Variants in PSD3 observed in about 807,000 individuals in gnomAD.
PSD3 encodes pleckstrin and Sec7 domain containing 3.
A neutral mutation model predicts 105.5 loss-of-function variants in PSD3; 49 were observed. That is an observed-to-expected ratio of 0.46 (90% confidence interval 0.37 to 0.59). PSD3 has a LOEUF of 0.59. PSD3 is among the 20% of genes least tolerant of loss of function. The probability of loss-of-function intolerance (pLI) is 0.00; values close to 1 mark genes in which losing one functional copy is unlikely to be tolerated. For synonymous variants in PSD3, 557 were observed against 457.8 expected (o/e 1.22, Z -2.77); for missense variants, 1,561 against 1,263.8 (o/e 1.24, Z -3.57).
chr8:18,825,685 G>C (rs947040250), intron 4 of PSD3, among the ~76,000 whole-genome samples: 11 of 152,180 alleles, frequency 7.2e-5, no homozygotes, highest in African/African-American at 2.7e-4. Context: ...TGTTTTAACT[G>C]ATCAATATTT....
At chr8:18,986,992 G>A (rs1004898847) in intron 1 of PSD3, among the ~76,000 whole-genome samples, 2 of 152,044 alleles carry the variant, frequency 1.3e-5, no homozygotes, top group Non-Finnish European at 2.9e-5. Context: ...CAAGGTCATC[G>A]CCAAGGTCTG....
chr8:18,912,814 A>T (rs1333761808), intron 2 of PSD3, among the ~76,000 whole-genome samples: 1 of 152,154 alleles, frequency 6.6e-6, no homozygotes, highest in Non-Finnish European at 1.5e-5. Context: ...CACTGTATTA[A>T]ATATCTACCC....
intron 2 of PSD3, among the ~76,000 whole-genome samples, chr8:18,880,190 A>G (rs1419760241): frequency 3.3e-5 from 5 of 152,140 alleles, no homozygotes; most frequent in Non-Finnish European, 7.3e-5. Flanking sequence ...ATATGCTAAG[A>G]TAATTATTTT....
chr8:19,041,555 G>C (rs907795061), intron 1 of PSD3, among the ~76,000 whole-genome samples: 2 of 152,210 alleles, frequency 1.3e-5, no homozygotes, highest in African/African-American at 4.8e-5. Context: ...ATGTTTTCCA[G>C]TGTGCTATGT....
intron 8 of PSD3, among the ~76,000 whole-genome samples, chr8:18,791,015 A>G (rs920270151): frequency 1.3e-5 from 2 of 152,214 alleles, no homozygotes; most frequent in Non-Finnish European, 2.9e-5. Flanking sequence ...TACAGCTAAC[A>G]AGGGAAATGA....
intron 1 of PSD3, among the ~76,000 whole-genome samples, chr8:19,007,178 C>T (rs879350910): frequency 2.0e-5 from 3 of 151,740 alleles, no homozygotes; most frequent in Non-Finnish European, 4.4e-5. Flanking sequence ...CGCTTGAGCC[C>T]GAGGCAGAGG....
rs901427543 is a variant in PSD3 at position 18,534,522 on chromosome 8, G to C, written c.*1221C>G. On this transcript the variant is annotated 3_prime_UTR_variant, in exon 16 of 16. Transcript: ENST00000327040. Reference sequence around the variant, plus strand: ...TGAAGTATTTTTAGGAGAAAGTTGAGTAGTAGCAGAGTGAAGTGGCTATCA... The same window carrying C: ...TGAAGTATTTTTAGGAGAAAGTTGACTAGTAGCAGAGTGAAGTGGCTATCA... 3.3e-5 allele frequency: 5 copies of C among 152,392 alleles called. No individual in the cohort carries two copies. Among genetic ancestry groups the C allele is most frequent in the Non-Finnish European group, 7.4e-5 (5 of 68,024 alleles). 9.4% of individuals were successfully genotyped at this position (152,392 alleles called of 1,614,324 possible). A position where few individuals can be genotyped will look rare whatever the true frequency, so the allele number is the denominator to read the frequency against.
chr8:18,701,126 T>C (rs536426380), intron 9 of PSD3, among the ~76,000 whole-genome samples: 1 of 113,682 alleles, frequency 8.8e-6, no homozygotes, highest in Non-Finnish European at 1.9e-5. Flanking sequence ...CCAAGAAGCC[T>C]GGCTGATTTT....
intron 9 of PSD3, chr8:18,720,977 C>T (rs1022508709): frequency 2.0e-5 from 3 of 152,040 alleles, no homozygotes; most frequent in Non-Finnish European, 4.4e-5. Flanking sequence ...AAAATTCATA[C>T]TGAGGAGAAA....
intron 2 of PSD3, among the ~76,000 whole-genome samples, chr8:18,906,557 T>C (rs1250350148): frequency 6.6e-6 from 1 of 152,192 alleles, no homozygotes; most frequent in African/African-American, 2.4e-5. Flanking sequence ...GCCATGTATA[T>C]GAGGGGCACA....
chr8:18,626,208 A>T (rs1427964504), intron 11 of PSD3, among the ~76,000 whole-genome samples: 1 of 152,078 alleles, frequency 6.6e-6, no homozygotes, highest in East Asian at 1.9e-4. Context: ...CAAGGTTTAA[A>T]AATATGGATG....
intron 1 of PSD3, among the ~76,000 whole-genome samples, chr8:19,025,997 C>T (rs1173903618): frequency 1.3e-5 from 2 of 152,048 alleles, no homozygotes; most frequent in Non-Finnish European, 2.9e-5. Flanking sequence ...TGGCAGAAGA[C>T]GAAGGAGAAA....
intron 9 of PSD3, among the ~76,000 whole-genome samples, chr8:18,678,178 T>C (rs1484215676): frequency 6.6e-6 from 1 of 152,184 alleles, no homozygotes; most frequent in Non-Finnish European, 1.5e-5. Flanking sequence ...CTACCAGATT[T>C]ACTTTGTTCA....
At chr8:18,554,142 C>T (rs1360576772) in intron 15 of PSD3, among the ~76,000 whole-genome samples, 1 of 152,198 alleles carries the variant, frequency 6.6e-6, no homozygotes, top group Non-Finnish European at 1.5e-5. Flanking sequence ...CAGCCACCCC[C>T]CACCTCCTGG....
intron 9 of PSD3, among the ~76,000 whole-genome samples, chr8:18,758,414 CTTTTTTTT>C (rs143280710): frequency 7.4e-6 from 1 of 135,106 alleles, no homozygotes; most frequent in African/African-American, 2.7e-5. Context: ...CAGTTTTACT[CTTTTTTTT>C]TTTTTTTTTA....
chr8:18,855,154 T>A (rs968555566), intron 4 of PSD3, among the ~76,000 whole-genome samples: 1 of 152,204 alleles, frequency 6.6e-6, no homozygotes, highest in Non-Finnish European at 1.5e-5. Context: ...ATACGGGGAT[T>A]ATGAGGACCT....
chr8:18,553,939 G>A (rs1287930228), intron 15 of PSD3, among the ~76,000 whole-genome samples: 1 of 152,138 alleles, frequency 6.6e-6, no homozygotes, highest in East Asian at 1.9e-4. Context: ...ATGAGTCCTG[G>A]AACGCAGTCT....
chr8:18,848,652 G>T lies in PSD3; in HGVS notation c.1634+19022C>A, dbSNP rs76323229. On this transcript the variant is annotated intron_variant, in intron 4 of 15. Coordinates refer to ENST00000327040, the MANE Select transcript of PSD3 (RefSeq NM_015310.4). Reference sequence around the variant, plus strand: ...TCTAGAAATATTCTTGTATGTATGTGTAGTGGTGGGTGCCTATTTTTGTTG... The same window carrying T: ...TCTAGAAATATTCTTGTATGTATGTTTAGTGGTGGGTGCCTATTTTTGTTG... 2.6e-3 allele frequency among the ~76,000 whole-genome samples: 399 copies of T among 152,348 alleles called. 1 individual carries two copies. The highest frequency in any genetic ancestry group is 9.2e-3 in the African/African-American group (383 of 41,580).
intron 4 of PSD3, chr8:18,808,844 C>T: frequency 6.2e-7 from 1 of 1,606,874 alleles, no homozygotes; most frequent in Non-Finnish European, 8.5e-7. Flanking sequence ...GTCCAGTATT[C>T]TTCAGCTCCC....
Sources: allele counts gnomAD v4.1 joint callset (sites outside exome capture counted in the v4.1 genomes callset), GRCh38; gene constraint gnomAD v4.1.1; transcripts MANE v1.5; gene names NCBI Gene and HGNC (gene_info 2026-07-23, HGNC 2026-07-21).